The following TTBK2 variants were observed in gnomAD, a reference collection of about 807,000 sequenced individuals.
TTBK2 encodes tau-tubulin kinase 2.
Under a neutral mutation model 110.8 loss-of-function variants are expected in TTBK2, and 28 were observed. That is an observed-to-expected ratio of 0.25 (90% CI 0.19 to 0.35). TTBK2 has a LOEUF of 0.35. Among genes scored for constraint, TTBK2 ranks in the 10% least tolerant of loss-of-function variants. The pLI is 1.00. For missense variants in TTBK2, 1,369 were observed against 1,500.3 expected (o/e 0.91, Z 1.45); for synonymous variants, 532 against 527.3 (o/e 1.01, Z -0.12).
chr15:42,920,275 A>C (rs1255310847), intron 1 of TTBK2, among the ~76,000 whole-genome samples, 163 bp downstream of exon 1: 2 of 152,092 alleles, frequency 1.3e-5, no homozygotes, highest in Non-Finnish European at 2.9e-5. Flanking sequence ...CGAGATGGAG[A>C]GTGACGGGGT....
chr15:42,797,960 T>C (rs1371268490), intron 9 of TTBK2, among the ~76,000 whole-genome samples: 1 of 152,162 alleles, frequency 6.6e-6, no homozygotes, highest in Non-Finnish European at 1.5e-5. Flanking sequence ...CTCGGCTCAC[T>C]GCAACCTTCG....
chr15:42,778,299 A>AT (rs889533401), intron 11 of TTBK2, among the ~76,000 whole-genome samples: 216 of 151,730 alleles, frequency 1.4e-3, no homozygotes, highest in Non-Finnish European at 2.8e-3. Context: ...GCAAAAAAAA[A>AT]AAAAACAAAA....
chr15:42,795,007 T>C (rs1459818239), intron 9 of TTBK2: 1 of 660,704 alleles, frequency 1.5e-6, no homozygotes, highest in East Asian at 2.9e-5. Flanking sequence ...GTGTAGAATG[T>C]TTCTGTTTTC....
chr15:42,754,811 C>A (rs546005089), intron 13 of TTBK2, among the ~76,000 whole-genome samples: 6 of 149,290 alleles, frequency 4.0e-5, no homozygotes, highest in African/African-American at 1.5e-4. Context: ...GAGTTCGAGA[C>A]CAGCCTGGCC....
chr15:42,739,086 A>T lies in TTBK2; in HGVS notation c.*6709T>A, dbSNP rs947815766. On this transcript the variant is annotated 3_prime_UTR_variant, in exon 15 of 15. Coordinates refer to ENST00000267890, the MANE Select transcript of TTBK2 (RefSeq NM_173500.4). ...AGCTTTAATATGATACAAATGGGAA[A>T]ATTAAATAAATAATTACACTTTTAT... 6.6e-6 allele frequency: 1 copy of T among 152,244 alleles called. No homozygotes were observed. The highest frequency in any genetic ancestry group is 1.5e-5 in the Non-Finnish European group (1 of 68,046). 9.4% of individuals were successfully genotyped at this position (152,244 alleles called of 1,614,324 possible).
At chr15:42,799,059 T>C (rs1240480797) in intron 9 of TTBK2, among the ~76,000 whole-genome samples, 1 of 152,044 alleles carries the variant, frequency 6.6e-6, no homozygotes, top group Non-Finnish European at 1.5e-5. Flanking sequence ...TAATGCAAAA[T>C]ATTACAAAAT....
chr15:42,802,019 C>A (rs762061298), intron 9 of TTBK2: 5 of 1,489,000 alleles, frequency 3.4e-6, no homozygotes, highest in Non-Finnish European at 4.6e-6. Context: ...TTGCTCCGAG[C>A]CATCTTCTGC....
Position 42,752,415 on chromosome 15 carries a change from C to A in TTBK2, c.2831G>T (p.Arg944Leu). ...VRSSFVTRHS[R>L]IPVLAQEIDS... is the part of the protein sequence containing the mutation. ...TATCTCTTGTGCTAAAACAGGGATT[C>A]GGCTGTGTCTAGTTACAAAGGATGA... is the stretch of plus-strand genomic sequence containing the variant. The change falls in exon 14 of 15, where the codon CGA (arginine) becomes CTA (leucine). Residue 944 changes from arginine (R) to leucine (L), a missense_variant. Arg to Leu is a moderately radical substitution (Grantham distance 102). Coordinates refer to ENST00000267890, the MANE Select transcript of TTBK2 (RefSeq NM_173500.4). The A allele has an allele frequency of 1.2e-6, 2 of 1,614,142 alleles. No individual in the cohort carries two copies. Among genetic ancestry groups the A allele is most frequent in the Non-Finnish European group, 1.7e-6 (2 of 1,180,044 alleles).
At chr15:42,828,217 C>T (rs1892610501) in intron 5 of TTBK2, among the ~76,000 whole-genome samples, 185 bp from the exon 6 acceptor site, 1 of 151,772 alleles carries the variant, frequency 6.6e-6, no homozygotes, top group African/African-American at 2.4e-5. Context: ...TCTATTAGTG[C>T]CTAATATCAG....
At chr15:42,871,402 G>T in intron 3 of TTBK2, 3 of 978,200 alleles carry the variant, frequency 3.1e-6, no homozygotes, top group Non-Finnish European at 3.6e-6. Flanking sequence ...AAAATAAGCA[G>T]GAGAACCTCC....
intron 9 of TTBK2, among the ~76,000 whole-genome samples, chr15:42,809,862 A>G (rs919607695): frequency 6.6e-6 from 1 of 152,252 alleles, no homozygotes; most frequent in African/African-American, 2.4e-5. Flanking sequence ...GATACTTCTT[A>G]GTCTTTTGAC....
At position 42,744,829 on chromosome 15, in the gene TTBK2, G is replaced by A. The variant is rs145576687; in HGVS notation, c.*966C>T. Reference sequence around the variant, plus strand: ...CAGTCCAAAGCATTGTGCTTCCCTCGTATCATCTTGGATGCTGATATTACA... The same window carrying A: ...CAGTCCAAAGCATTGTGCTTCCCTCATATCATCTTGGATGCTGATATTACA... On this transcript the variant is annotated 3_prime_UTR_variant, in exon 15 of 15. Coordinates refer to ENST00000267890, the MANE Select transcript of TTBK2 (RefSeq NM_173500.4). 5.2e-3 allele frequency: 797 copies of A among 152,306 alleles called. 3 individuals carry two copies. Among genetic ancestry groups the A allele is most frequent in the Non-Finnish European group, 8.5e-3 (579 of 68,134 alleles). The allele number at this position is 152,306 out of a possible 1,614,324, so 9.4% of individuals were successfully genotyped here.
chr15:42,901,068 T>C (rs997098339), intron 1 of TTBK2, among the ~76,000 whole-genome samples: 9 of 152,068 alleles, frequency 5.9e-5, no homozygotes, highest in African/African-American at 2.2e-4. Flanking sequence ...ATTATAAAAT[T>C]ATTAGAGGAA....
intron 9 of TTBK2, among the ~76,000 whole-genome samples, chr15:42,799,798 C>T (rs556632209): frequency 6.6e-6 from 1 of 152,202 alleles, no homozygotes; most frequent in South Asian, 2.1e-4. Context: ...TCTACTTGCA[C>T]TTATGAATAA....
intron 11 of TTBK2, among the ~76,000 whole-genome samples, chr15:42,780,259 C>A (rs1167300686): frequency 3.4e-5 from 5 of 146,052 alleles, no homozygotes; most frequent in Admixed American, 3.4e-4. Flanking sequence ...TCTCGAACTC[C>A]TGGGCTCTAG....
rs369269899 is a variant in TTBK2 at position 42,829,935 on chromosome 15, T to C, written c.432+3A>G. Reference sequence around the variant, plus strand: ...CTGTGCTCTGGATAGAAAAGGTCCCTACCGGTTTGATGTCTCGATGCAAGA... The same window carrying C: ...CTGTGCTCTGGATAGAAAAGGTCCCCACCGGTTTGATGTCTCGATGCAAGA... On this transcript the variant is annotated splice_donor_region_variant and intron_variant, in intron 5 of 14. Transcript: ENST00000267890. 1.9e-6 allele frequency: 3 copies of C among 1,613,996 alleles called. No individual in the cohort carries two copies. Among genetic ancestry groups the C allele is most frequent in the South Asian group, 1.1e-5 (1 of 91,082 alleles).
intron 7 of TTBK2, among the ~76,000 whole-genome samples, chr15:42,812,208 T>C (rs13380301): frequency 0.046 from 6,956 of 152,234 alleles, 456 homozygotes; most frequent in African/African-American, 0.14. Context: ...TGGGCCTACA[T>C]AGGACATGAG....
chr15:42,909,377 C>T (rs2030613785), intron 1 of TTBK2, among the ~76,000 whole-genome samples: 1 of 152,200 alleles, frequency 6.6e-6, no homozygotes, highest in African/African-American at 2.4e-5. Flanking sequence ...AAATCTCTCT[C>T]TGACTTTTGC....
chr15:42,757,757 A>G (rs2061967644), intron 13 of TTBK2, among the ~76,000 whole-genome samples: 1 of 152,260 alleles, frequency 6.6e-6, no homozygotes, highest in Non-Finnish European at 1.5e-5. Context: ...CATCTTTTAT[A>G]TCTTTAATTT....
Sources: gnomAD v4.1 joint callset for allele counts (sites outside exome capture counted in the v4.1 genomes callset) on GRCh38, gnomAD v4.1.1 for gene constraint, MANE v1.5 for transcripts, NCBI Gene and HGNC (gene_info 2026-07-23, HGNC 2026-07-21) for gene names.